The following RELN variants were observed in gnomAD, a reference collection of about 807,000 sequenced individuals.
RELN encodes reelin.
In RELN, 108 loss-of-function variants were observed where a neutral mutation model predicts 427.6. The observed-to-expected ratio is 0.25, with a 90% CI of 0.22 to 0.30. The LOEUF (loss-of-function observed/expected upper bound fraction) is 0.30. RELN is among the 10% of genes least tolerant of loss of function. The probability of loss-of-function intolerance (pLI) is 1.00; values close to 1 mark genes in which losing one functional copy is unlikely to be tolerated. For missense variants in RELN, 3,715 were observed against 4,302.8 expected (o/e 0.86, Z 3.82); for synonymous variants, 1,524 against 1,513.4 (o/e 1.01, Z -0.16).
chr7:103,886,930 T>A (rs567122711), intron 2 of RELN, among the ~76,000 whole-genome samples: 4 of 152,160 alleles, frequency 2.6e-5, no homozygotes, highest in African/African-American at 7.2e-5. Flanking sequence ...GACAAATACA[T>A]GTAGCAGGAT....
intron 1 of RELN, among the ~76,000 whole-genome samples, chr7:103,952,408 T>C (rs1451688470): frequency 6.6e-6 from 1 of 152,244 alleles, no homozygotes; most frequent in East Asian, 1.9e-4. Flanking sequence ...TTTATTCTAA[T>C]ATGCTATATT....
chr7:103,583,993 C>G (rs1831213499), intron 28 of RELN, among the ~76,000 whole-genome samples: 1 of 152,224 alleles, frequency 6.6e-6, no homozygotes, highest in Non-Finnish European at 1.5e-5. Context: ...TGGGGACTGC[C>G]ACTGCCATAG....
chr7:103,576,546 C>T (rs1330459404), intron 28 of RELN, among the ~76,000 whole-genome samples: 1 of 152,176 alleles, frequency 6.6e-6, no homozygotes, highest in Admixed American at 6.5e-5. Flanking sequence ...ATATTTCACC[C>T]TTCTATCACA....
chr7:103,775,500 T>C (rs1410109070), intron 4 of RELN, among the ~76,000 whole-genome samples: 2 of 152,202 alleles, frequency 1.3e-5, no homozygotes, highest in African/African-American at 2.4e-5. Context: ...AAAACCGATA[T>C]AATTTTTCCT....
chr7:103,868,759 G>A (rs372944560), intron 2 of RELN, among the ~76,000 whole-genome samples: 13 of 151,998 alleles, frequency 8.6e-5, no homozygotes, highest in South Asian at 4.1e-4. Context: ...ACATATATAT[G>A]TTATTTAGGA....
At chr7:103,552,363 T>C (rs886493267) in intron 40 of RELN, among the ~76,000 whole-genome samples, 3 of 152,226 alleles carry the variant, frequency 2.0e-5, no homozygotes, top group African/African-American at 4.8e-5. Context: ...TCTATAGTTA[T>C]AGTTATATAC....
intron 44 of RELN, among the ~76,000 whole-genome samples, chr7:103,539,868 A>G (rs183744814): frequency 7.3e-4 from 111 of 152,338 alleles, no homozygotes; most frequent in African/African-American, 2.4e-3. Flanking sequence ...TGTGGCACCA[A>G]TGCTAATTTG....
chr7:103,755,965 G>C (rs1158161349), intron 4 of RELN, among the ~76,000 whole-genome samples: 2 of 152,054 alleles, frequency 1.3e-5, no homozygotes, highest in Admixed American at 6.6e-5. Context: ...TTATTTCACA[G>C]GTTGTGAAAT....
intron 3 of RELN, among the ~76,000 whole-genome samples, chr7:103,794,759 G>A (rs1330861392): frequency 6.6e-6 from 1 of 152,032 alleles, no homozygotes; most frequent in Non-Finnish European, 1.5e-5. Context: ...GCTTTCCTGT[G>A]CATTGTAGAA....
At chr7:103,808,335 A>T (rs1792651184) in intron 3 of RELN, among the ~76,000 whole-genome samples, 1 of 152,030 alleles carries the variant, frequency 6.6e-6, no homozygotes, top group African/African-American at 2.4e-5. Context: ...TGGGTGCAGC[A>T]CACCAACATG....
intron 2 of RELN, among the ~76,000 whole-genome samples, chr7:103,850,435 A>C (rs56673287): frequency 0.14 from 21,437 of 152,192 alleles, 1,708 homozygotes; most frequent in East Asian, 0.29. Context: ...GAAGCAGCAG[A>C]AAAGCCCTGG....
At chr7:103,857,522 G>A (rs1314603957) in intron 2 of RELN, among the ~76,000 whole-genome samples, 1 of 152,216 alleles carries the variant, frequency 6.6e-6, no homozygotes, top group Admixed American at 6.5e-5. Flanking sequence ...ACAAGGAACA[G>A]GATATGCACA....
intron 2 of RELN, among the ~76,000 whole-genome samples, chr7:103,885,931 T>C (rs1230394891): frequency 6.6e-6 from 1 of 152,154 alleles, no homozygotes; most frequent in African/African-American, 2.4e-5. Flanking sequence ...AGGCTAAGTA[T>C]GCTTTTTAAA....
intron 28 of RELN, among the ~76,000 whole-genome samples, chr7:103,578,860 C>T (rs1411393501): frequency 2.0e-5 from 3 of 152,158 alleles, no homozygotes; most frequent in African/African-American, 4.8e-5. Flanking sequence ...TCTAACCTTG[C>T]CTTTTCAAGG....
chr7:103,827,474 T>C lies in RELN; in HGVS notation c.473+6063A>G, dbSNP rs1397521. ...TTCTTGGAGATTTATTGACATATTT[T>C]ATCTCAACCATACTTCCTAAAATTA... On this transcript the variant is annotated intron_variant, in intron 3 of 64. Coordinates refer to ENST00000428762, the MANE Select transcript of RELN (RefSeq NM_005045.4). 4.9e-3 allele frequency among the ~76,000 whole-genome samples: 748 copies of C among 152,184 alleles called. 7 individuals carry two copies. Among genetic ancestry groups the C allele is most frequent in the African/African-American group, 0.017 (711 of 41,538 alleles).
In RELN at chr7:103,551,119, T is replaced by C. The variant is rs1247749319; in HGVS notation, c.6250A>G (p.Met2084Val). ...ACGACCTCCCTCCTCCAGCCCTGCA[T>C]GGTTCCTGCGTAGTAGGTGCTGCTG... ...HPSSTYYAGT[M>V]QGWRREVVHF... is the part of the protein sequence containing the mutation. The change falls in exon 41 of 65, where the codon ATG (methionine) becomes GTG (valine). Residue 2084 changes from methionine to valine, a missense_variant. This residue lies in a region of RELN where 1,310 missense variants were observed against 1,643.0 expected (regional missense o/e 0.80). Transcript: ENST00000428762. 5.0e-6 allele frequency: 8 copies of C among 1,613,996 alleles called. No individual in the cohort carries two copies. Among genetic ancestry groups the C allele is most frequent in the South Asian group, 1.1e-5 (1 of 91,066 alleles).
intron 1 of RELN, among the ~76,000 whole-genome samples, chr7:103,970,217 A>G (rs1463674336): frequency 1.4e-5 from 2 of 145,782 alleles, no homozygotes; most frequent in African/African-American, 5.1e-5. Flanking sequence ...ATCTCGGCTC[A>G]TGGCAACCTC....
chr7:103,951,240 T>C (rs1054801041), intron 1 of RELN, among the ~76,000 whole-genome samples: 1 of 152,248 alleles, frequency 6.6e-6, no homozygotes, highest in South Asian at 2.1e-4. Flanking sequence ...TTCCAACTGC[T>C]AATAGTCGAG....
intron 2 of RELN, among the ~76,000 whole-genome samples, chr7:103,849,868 T>TG (rs1367957452): frequency 1.3e-5 from 2 of 152,206 alleles, no homozygotes; most frequent in Non-Finnish European, 2.9e-5. Context: ...GTTTTTCAAC[T>TG]CCTGACCAAA....
Sources: allele counts gnomAD v4.1 joint callset (sites outside exome capture counted in the v4.1 genomes callset), GRCh38; gene constraint gnomAD v4.1.1; regional missense constraint gnomAD v4.1.1; transcripts MANE v1.5; gene names NCBI Gene and HGNC (gene_info 2026-07-23, HGNC 2026-07-21).